Variants in USP32 observed in about 807,000 individuals in gnomAD.
The protein encoded by USP32 is ubiquitin specific peptidase 32, also known as ubiquitin carboxyl-terminal hydrolase 32.
In USP32, 59 loss-of-function variants were observed where a neutral mutation model predicts 204.8. The observed-to-expected ratio is 0.29, with a 90% CI of 0.23 to 0.36. The LOEUF (loss-of-function observed/expected upper bound fraction) is 0.36. Among genes scored for constraint, USP32 ranks in the 10% least tolerant of loss-of-function variants. USP32 has a pLI of 1.00. For synonymous variants in USP32, 517 were observed against 678.4 expected (o/e 0.76, Z 3.70); for missense variants, 1,160 against 1,946.4 (o/e 0.60, Z 7.60).
intron 1 of USP32, among the ~76,000 whole-genome samples, chr17:60,381,072 T>C (rs2089638744): frequency 6.6e-6 from 1 of 152,236 alleles, no homozygotes; most frequent in Non-Finnish European, 1.5e-5. Flanking sequence ...TTACTGCTGC[T>C]AGTTGTATTC....
intron 2 of USP32, among the ~76,000 whole-genome samples, chr17:60,318,718 A>C (rs769478716): frequency 6.6e-6 from 1 of 152,214 alleles, no homozygotes; most frequent in Admixed American, 6.5e-5. Context: ...GAACCAAAAC[A>C]CAAAAATTTT....
intron 11 of USP32, among the ~76,000 whole-genome samples, chr17:60,239,210 T>C (rs954278202): frequency 3.9e-5 from 6 of 152,226 alleles, no homozygotes; most frequent in Non-Finnish European, 8.8e-5. Flanking sequence ...ATTAATTTTA[T>C]TGATGATCCA....
upstream of USP32, chr17:60,392,168 T>C: frequency 2.0e-6 from 1 of 508,278 alleles, no homozygotes; most frequent in Non-Finnish European, 3.5e-6. Context: ...CCCTGCCTCC[T>C]ACTCCGCCCT....
rs750149203 is a variant in USP32 at position 60,288,650 on chromosome 17, A to G, written c.444T>C (p.Asn148=). 1.2e-6 allele frequency: 2 copies of G among 1,610,478 alleles called. No individual in the cohort carries two copies. The highest frequency in any genetic ancestry group is 1.7e-6 in the Non-Finnish European group (2 of 1,178,934). The change falls in exon 5 of 34, where the codon AAT becomes AAC. Residue 148 remains asparagine, a synonymous_variant. Coordinates refer to ENST00000300896, the MANE Select transcript of USP32 (RefSeq NM_032582.4). The part of the protein sequence containing the change: ...GEKVNYEKFR[N]WLFLNKDAFT... ...AAGCATCTTTGTTTAGAAAAAGCCAATTTCTAAACTTTTCATAGTTTACCT... is the reference window on the plus strand; with the variant it reads ...AAGCATCTTTGTTTAGAAAAAGCCAGTTTCTAAACTTTTCATAGTTTACCT...
chr17:60,205,039 T>C (rs2084787921), intron 26 of USP32, among the ~76,000 whole-genome samples: 1 of 151,908 alleles, frequency 6.6e-6, no homozygotes, highest in Non-Finnish European at 1.5e-5. Flanking sequence ...GTGATCCTCC[T>C]GCTTCAGCCT....
chr17:60,391,788 G>A, intron 1 of USP32, 94 bp downstream of exon 1: 1 of 1,371,528 alleles, frequency 7.3e-7, no homozygotes, highest in East Asian at 2.6e-5. Context: ...GGCGCCCCAC[G>A]CCCTCAATCT....
chr17:60,332,523 C>T (rs1316615582), intron 2 of USP32, among the ~76,000 whole-genome samples: 1 of 152,038 alleles, frequency 6.6e-6, no homozygotes, highest in African/African-American at 2.4e-5. Context: ...TGGTGGGCGC[C>T]TGTGATCCCA....
chr17:60,298,002 C>A (rs563050338), intron 3 of USP32, among the ~76,000 whole-genome samples: 1 of 152,314 alleles, frequency 6.6e-6, no homozygotes, highest in South Asian at 2.1e-4. Flanking sequence ...GGCTGGTTTA[C>A]AGAGGCTGCT....
In USP32 at chr17:60,361,510, C is replaced by T. The variant is rs565605591; in HGVS notation, c.59-15902G>A. ...ATATACATGCCTCCTTAGATACATACAGAGAGTGCTTCTCCAGTGAGCACT... is the reference window on the plus strand; with the variant it reads ...ATATACATGCCTCCTTAGATACATATAGAGAGTGCTTCTCCAGTGAGCACT... On this transcript the variant is annotated intron_variant, in intron 1 of 33. Coordinates refer to ENST00000300896, the MANE Select transcript of USP32 (RefSeq NM_032582.4). Among the ~76,000 whole-genome samples, 10 of 152,264 alleles carry T rather than the reference C, an allele frequency of 6.6e-5. No individual in the cohort carries two copies. The East Asian group carries it at 1.7e-3, about 26-fold the overall frequency.
intron 1 of USP32, among the ~76,000 whole-genome samples, chr17:60,404,542 G>A (rs546456155): frequency 6.6e-6 from 1 of 152,244 alleles, no homozygotes; most frequent in East Asian, 1.9e-4. Context: ...AGGAGAAACC[G>A]TCTTTGAGAG....
At chr17:60,405,977 A>G (rs1029532549) in intron 1 of USP32, among the ~76,000 whole-genome samples, 3 of 151,840 alleles carry the variant, frequency 2.0e-5, no homozygotes, top group African/African-American at 7.3e-5. Context: ...ACATAGTTAG[A>G]CGCCACCTCT....
intron 1 of USP32, among the ~76,000 whole-genome samples, chr17:60,416,996 C>A (rs910616284): frequency 6.6e-6 from 1 of 151,110 alleles, no homozygotes; most frequent in African/African-American, 2.4e-5. Context: ...CGGCTCACTG[C>A]AACCTCCCCC....
chr17:60,269,396 C>A, intron 7 of USP32, 54 bp downstream of exon 7: 1 of 1,334,254 alleles, frequency 7.5e-7, no homozygotes, highest in East Asian at 2.4e-5. Context: ...TTGATGAAAA[C>A]TGATTTTCTC....
chr17:60,413,259 G>A (rs1478765112), intron 1 of USP32, among the ~76,000 whole-genome samples: 1 of 152,152 alleles, frequency 6.6e-6, no homozygotes, highest in Non-Finnish European at 1.5e-5. Flanking sequence ...TAGAACTGGG[G>A]TCCACTCACC....
intron 6 of USP32, among the ~76,000 whole-genome samples, chr17:60,270,680 G>A (rs964801365): frequency 2.0e-5 from 3 of 151,876 alleles, no homozygotes; most frequent in African/African-American, 4.8e-5. Context: ...AAAATTAGCC[G>A]GGCATGGTGG....
At chr17:60,323,890 G>GA (rs1213417198) in intron 2 of USP32, among the ~76,000 whole-genome samples, 1 of 152,186 alleles carries the variant, frequency 6.6e-6, no homozygotes, top group Non-Finnish European at 1.5e-5. Flanking sequence ...TGGAAATTAA[G>GA]AAATTCTTCT....
chr17:60,232,634 C>T (rs1029084369), intron 12 of USP32, among the ~76,000 whole-genome samples: 2 of 151,346 alleles, frequency 1.3e-5, no homozygotes, highest in African/African-American at 4.9e-5. Context: ...ACAACCTCTG[C>T]CTCCTAGGTT....
chr17:60,391,636 G>C (rs1046117391), intron 1 of USP32, among the ~76,000 whole-genome samples: 2 of 152,260 alleles, frequency 1.3e-5, no homozygotes, highest in South Asian at 4.1e-4. Context: ...CAGCGAGCAC[G>C]GGCACTGCCC....
Position 60,314,908 on chromosome 17 carries a change from C to T in USP32, c.187-13204G>A, listed in dbSNP as rs928648288. ...ATCAGAAACAATGCAAGCCACAAGACAACAGAAGAAACAATTTTACTATAC... is the reference window on the plus strand; with the variant it reads ...ATCAGAAACAATGCAAGCCACAAGATAACAGAAGAAACAATTTTACTATAC... On this transcript the variant is annotated intron_variant, in intron 2 of 33. Coordinates refer to ENST00000300896, the MANE Select transcript of USP32 (RefSeq NM_032582.4). 3.3e-5 allele frequency among the ~76,000 whole-genome samples: 5 copies of T among 152,070 alleles called. No individual in the cohort carries two copies. The East Asian group carries it at 7.7e-4, about 24-fold the overall frequency.
Sources: allele counts gnomAD v4.1 joint callset (sites outside exome capture counted in the v4.1 genomes callset), GRCh38; gene constraint gnomAD v4.1.1; transcripts MANE v1.5; gene names NCBI Gene and HGNC (gene_info 2026-07-23, HGNC 2026-07-21).